The following LRP1B variants were observed in gnomAD, a reference collection of about 807,000 sequenced individuals.
LRP1B encodes low-density lipoprotein receptor-related protein 1B.
A neutral mutation model predicts 556.6 loss-of-function variants in LRP1B; 217 were observed. The observed-to-expected ratio is 0.39, with a 90% CI of 0.35 to 0.44. The LOEUF (loss-of-function observed/expected upper bound fraction) is 0.44. LRP1B is among the 20% of genes least tolerant of loss of function. The pLI, the probability that LRP1B is intolerant of heterozygous loss-of-function variation, is 1.00. For synonymous variants in LRP1B, 2,047 were observed against 1,865.8 expected, an observed-to-expected ratio of 1.10 and a Z score of -2.50; for missense variants, 5,053 against 5,620.8, an observed-to-expected ratio of 0.90 and a Z score of 3.23.
chr2:141,941,146 A>G (rs993456947), intron 1 of LRP1B, among the ~76,000 whole-genome samples: 6 of 152,246 alleles, frequency 3.9e-5, no homozygotes, highest in African/African-American at 9.6e-5. Flanking sequence ...GTTAAGCAAC[A>G]TAAAAGGATT....
intron 15 of LRP1B, among the ~76,000 whole-genome samples, chr2:141,003,978 T>A (rs111921236): frequency 0.023 from 3,510 of 152,150 alleles, 68 homozygotes; most frequent in Non-Finnish European, 0.032. Flanking sequence ...GTAAGTGGAT[T>A]TTTTCTGTTT....
intron 66 of LRP1B, among the ~76,000 whole-genome samples, chr2:140,405,636 C>T (rs1477031534): frequency 2.0e-5 from 3 of 152,078 alleles, no homozygotes; most frequent in African/African-American, 7.2e-5. Flanking sequence ...TACAATCCTC[C>T]TAGATTAAAT....
intron 53 of LRP1B, among the ~76,000 whole-genome samples, chr2:140,505,686 G>A (rs983471562): frequency 2.6e-5 from 4 of 152,206 alleles, no homozygotes; most frequent in African/African-American, 4.8e-5. Context: ...CACATCAAAT[G>A]TAAGACTTCA....
intron 1 of LRP1B, among the ~76,000 whole-genome samples, chr2:142,104,659 T>C (rs1394681415): frequency 2.6e-5 from 4 of 152,182 alleles, no homozygotes; most frequent in Non-Finnish European, 4.4e-5. Flanking sequence ...TCTAATAGGC[T>C]GCAGTGTAGT....
chr2:140,555,091 T>C (rs1011204585), intron 43 of LRP1B, among the ~76,000 whole-genome samples: 17 of 152,094 alleles, frequency 1.1e-4, no homozygotes, highest in African/African-American at 3.9e-4. Context: ...ACAACTCTCC[T>C]GGATTTTTAA....
chr2:141,738,366 C>G (rs1026489907), intron 2 of LRP1B, among the ~76,000 whole-genome samples: 1 of 152,108 alleles, frequency 6.6e-6, no homozygotes, highest in Middle Eastern at 3.2e-3. Context: ...TTGTAAGACA[C>G]ACACATACAC....
At chr2:141,486,805 C>A (rs1683136918) in intron 2 of LRP1B, among the ~76,000 whole-genome samples, 1 of 8,922 alleles carries the variant, frequency 1.1e-4, no homozygotes, top group African/African-American at 1.4e-4. Flanking sequence ...TTTTTGCCTA[C>A]TGAAAAAATT....
intron 1 of LRP1B, among the ~76,000 whole-genome samples, chr2:142,088,983 A>T (rs1422449050): frequency 3.6e-5 from 2 of 55,532 alleles, no homozygotes; most frequent in African/African-American, 1.1e-4. Context: ...TCAAAAAAAA[A>T]AAAAAAAAAA....
intron 7 of LRP1B, among the ~76,000 whole-genome samples, chr2:141,117,950 CAT>C (rs1700947626): frequency 6.6e-6 from 1 of 151,918 alleles, no homozygotes; most frequent in South Asian, 2.1e-4. Flanking sequence ...AACTCATCAT[CAT>C]ATATGTCTTC....
Position 141,356,585 on chromosome 2 carries a change from T to C in LRP1B, c.344-101944A>G, listed in dbSNP as rs16845897. 3.3e-3 allele frequency among the ~76,000 whole-genome samples: 500 copies of C among 151,866 alleles called. 4 individuals carry two copies. The highest frequency in any genetic ancestry group is 0.011 in the African/African-American group (471 of 41,530). The stretch of plus-strand genomic sequence containing the variant: ...CCTTTTGAGATGATAAGAGGTAACA[T>C]GTATGTTTTTAAGAAGACATTTTTC... On this transcript the variant is annotated intron_variant, in intron 3 of 90. Coordinates refer to ENST00000389484, the MANE Select transcript of LRP1B (RefSeq NM_018557.3).
At chr2:141,737,495 C>T (rs1260221014) in intron 2 of LRP1B, among the ~76,000 whole-genome samples, 1 of 152,102 alleles carries the variant, frequency 6.6e-6, no homozygotes, top group Non-Finnish European at 1.5e-5. Context: ...AGGAGGCATT[C>T]TTAAAATACA....
chr2:141,117,180 T>TAA (rs1477911333), intron 7 of LRP1B, among the ~76,000 whole-genome samples: 1 of 151,918 alleles, frequency 6.6e-6, no homozygotes, highest in African/African-American at 2.4e-5. Flanking sequence ...TTCTATTTTA[T>TAA]AAATAGAAAG....
In LRP1B at chr2:140,769,206, T is replaced by C; in HGVS notation, c.5758+7A>G. On this transcript the variant is annotated splice_region_variant and intron_variant, in intron 35 of 90. Transcript: ENST00000389484. ...TATGCATAAATTATGACTAAAAAGC[T>C]ATTTACCTGCATGGAAATCTATTCC... The C allele has an allele frequency of 1.2e-6, 2 of 1,610,562 alleles. No homozygotes were observed. The highest frequency in any genetic ancestry group is 1.7e-6 in the Non-Finnish European group (2 of 1,177,676).
intron 6 of LRP1B, among the ~76,000 whole-genome samples, chr2:141,207,838 G>A (rs985798240): frequency 6.6e-6 from 1 of 152,046 alleles, no homozygotes; most frequent in African/African-American, 2.4e-5. Context: ...ACCACGCCTG[G>A]CTTATTTTTG....
At chr2:140,640,280 C>T (rs1173782752) in intron 41 of LRP1B, among the ~76,000 whole-genome samples, 4 of 150,730 alleles carry the variant, frequency 2.7e-5, no homozygotes, top group East Asian at 3.9e-4. Flanking sequence ...CGTGAGCCAT[C>T]GCGCCGGGCC....
chr2:141,829,923 G>A (rs541945594), intron 1 of LRP1B, among the ~76,000 whole-genome samples: 1 of 152,020 alleles, frequency 6.6e-6, no homozygotes, highest in South Asian at 2.1e-4. Flanking sequence ...AAAGGCATGA[G>A]GAAAAGTGTA....
rs185283446 is a variant in LRP1B at position 140,746,160 on chromosome 2, C to A, written c.5758+23053G>T. ...TTTCATAAATAAACACCTTAAGGGA[C>A]CTTCTGGAAAGAATGTTATCTTTCT... On this transcript the variant is annotated intron_variant, in intron 35 of 90. Coordinates refer to ENST00000389484, the MANE Select transcript of LRP1B (RefSeq NM_018557.3). Among the ~76,000 whole-genome samples the A allele has an allele frequency of 4.9e-4, 75 of 152,074 alleles. 1 individual carries two copies. The highest frequency in any genetic ancestry group is 1.6e-3 in the African/African-American group (68 of 41,492).
intron 1 of LRP1B, among the ~76,000 whole-genome samples, chr2:141,863,334 G>T (rs758988037): frequency 1.1e-4 from 17 of 152,016 alleles, no homozygotes; most frequent in Non-Finnish European, 2.4e-4. Context: ...TTGTGGTGGC[G>T]AACCAATAAT....
chr2:141,179,482 A>T (rs535872294), intron 7 of LRP1B, among the ~76,000 whole-genome samples: 2 of 152,070 alleles, frequency 1.3e-5, no homozygotes, highest in Non-Finnish European at 2.9e-5. Flanking sequence ...TGGCAAAAAT[A>T]GTTTTGTTTT....
Sources: gnomAD v4.1 joint callset for allele counts (sites outside exome capture counted in the v4.1 genomes callset) on GRCh38, gnomAD v4.1.1 for gene constraint, MANE v1.5 for transcripts, NCBI Gene and HGNC (gene_info 2026-07-23, HGNC 2026-07-21) for gene names.